Variants in UNC13D observed in about 807,000 individuals in gnomAD.
UNC13D encodes the protein unc-13 homolog D.
In UNC13D, 115 loss-of-function variants were observed where a neutral mutation model predicts 151.7. That is an observed-to-expected ratio of 0.76 (90% CI 0.65 to 0.88). The LOEUF (loss-of-function observed/expected upper bound fraction) is 0.88. Among genes scored for constraint, UNC13D ranks in the 40% least tolerant of loss-of-function variants. The pLI is 0.00. For missense variants in UNC13D, 1,369 were observed against 1,438.7 expected (o/e 0.95, Z 0.78); for synonymous variants, 588 against 612.2 (o/e 0.96, Z 0.58).
In UNC13D at chr17:75,840,138, GGGC is replaced by G. The variant is rs761969472; in HGVS notation, c.859-31_859-29del. The G allele has an allele frequency of 1.9e-5, 30 of 1,611,450 alleles. No individual in the cohort carries two copies. In the South Asian group the frequency reaches 3.3e-4, roughly 18 times the overall value. The stretch of plus-strand genomic sequence containing the variant: ...GCAATGAGGCCTCTGTGAGCAGACA[GGGC>G]CTCACACTGGGTGCAGCCAGCCCCG... On this transcript the variant is annotated intron_variant, in intron 10 of 31. Coordinates refer to ENST00000207549, the MANE Select transcript of UNC13D (RefSeq NM_199242.3). This position sits in a 1 kb window ranked among gnomAD's most constrained non-coding sequence, Gnocchi z 4.6.
At chr17:75,835,263 C>G (rs909910802) in intron 20 of UNC13D, 146 bp downstream of exon 20, 3 of 1,349,356 alleles carry the variant, frequency 2.2e-6, no homozygotes, top group Non-Finnish European at 3.0e-6. Flanking sequence ...CCAGAGGCAG[C>G]GTTTTGCACA....
chr17:75,827,906 T>C lies in UNC13D; in HGVS notation c.*59A>G, dbSNP rs1051480923. 1.9e-6 allele frequency: 3 copies of C among 1,581,402 alleles called. No individual in the cohort carries two copies. The highest frequency in any genetic ancestry group is 2.6e-6 in the Non-Finnish European group (3 of 1,168,042). The stretch of plus-strand genomic sequence containing the variant: ...GATGTGGCGGGGAAGCCCCAGACCC[T>C]ACAGGAAAGCCCTTGCAAGTCCCCA... On this transcript the variant is annotated 3_prime_UTR_variant, in exon 32 of 32. Coordinates refer to ENST00000207549, the MANE Select transcript of UNC13D (RefSeq NM_199242.3).
chr17:75,828,039 C>T lies in UNC13D; in HGVS notation c.3199G>A (p.Ala1067Thr). ...LLEGRKGDRE[A>T]QVFVRLRRHR... ...CGCCGCAGCCTCACAAAGACCTGGGCTTCTCGGTCACCCTTCCGGCCCTCC... is the reference window on the plus strand; with the variant it reads ...CGCCGCAGCCTCACAAAGACCTGGGTTTCTCGGTCACCCTTCCGGCCCTCC... Residue 1067 changes from alanine to threonine, a missense_variant, in exon 32 of 32, where the codon GCC (alanine) becomes ACC (threonine). Physicochemically the swap from Ala to Thr is moderately conservative, Grantham distance 58. Transcript: ENST00000207549. The T allele has an allele frequency of 6.3e-7, 1 of 1,583,358 alleles. No homozygotes were observed. Among genetic ancestry groups the T allele is most frequent in the Non-Finnish European group, 8.6e-7 (1 of 1,165,422 alleles).
Position 75,840,379 on chromosome 17 carries a change from G to C in UNC13D, c.754-50C>G. ...GTGAGCGTCAGAACCTCATAGAGTC[G>C]GGGCAGCGGAGGCGACAGGAGGTGG... On this transcript the variant is annotated intron_variant, in intron 9 of 31. Coordinates refer to ENST00000207549, the MANE Select transcript of UNC13D (RefSeq NM_199242.3). The surrounding 1 kb of genome is among the most constrained non-coding windows in gnomAD (Gnocchi z 4.6). 2 of 1,608,308 alleles carry C rather than the reference G, an allele frequency of 1.2e-6. No individual in the cohort carries two copies. Among genetic ancestry groups the C allele is most frequent in the Non-Finnish European group, 1.7e-6 (2 of 1,176,374 alleles).
chr17:75,830,595 TGCA>T lies in UNC13D; in HGVS notation c.2689_2691del (p.Cys897del). On this transcript the variant is annotated inframe_deletion, in exon 28 of 32. Transcript: ENST00000207549. ...GGCCTCACCTGCTGCTGGATTCGGC[TGCA>T]GAAGTACTTCCGGATGAGTTCCCGG... is the stretch of plus-strand genomic sequence containing the variant. 6.4e-7 allele frequency: 1 copy of T among 1,560,890 alleles called. No individual in the cohort carries two copies. Among genetic ancestry groups the T allele is most frequent in the Non-Finnish European group, 8.7e-7 (1 of 1,152,590 alleles).
intron 12 of UNC13D, among the ~76,000 whole-genome samples, chr17:75,837,557 C>T (rs538068424): frequency 2.7e-5 from 4 of 150,928 alleles, no homozygotes; most frequent in South Asian, 2.1e-4. Flanking sequence ...AGTTTGAGAC[C>T]AGCCTGGCCA....
chr17:75,841,804 A>G (rs2064951581), intron 6 of UNC13D, among the ~76,000 whole-genome samples: 1 of 143,530 alleles, frequency 7.0e-6, no homozygotes, highest in South Asian at 2.2e-4. Flanking sequence ...GCTGGAGTGC[A>G]GTGGTGCTAT....
Position 75,827,978 on chromosome 17 carries a change from C to A in UNC13D, c.3260G>T (p.Arg1087Leu). Residue 1087 changes from arginine (R) to leucine (L), a missense_variant, in exon 32 of 32, where the codon CGG becomes CTG. Physicochemically the swap from Arg to Leu is moderately radical, Grantham distance 102 (BLOSUM62 -2). Coordinates refer to ENST00000207549, the MANE Select transcript of UNC13D (RefSeq NM_199242.3). ...AAACCTCTACGGCTACGGTGCCGGC[C>A]GCAAGGCATGCTGGGAGGCCTGCTT... ...RAKQASQHAL[R>L]PAP is the part of the protein sequence containing the mutation. 1 of 1,606,026 alleles carries A rather than the reference C, an allele frequency of 6.2e-7. No homozygotes were observed. The highest frequency in any genetic ancestry group is 8.5e-7 in the Non-Finnish European group (1 of 1,177,484).
At chr17:75,843,945 G>A in intron 1 of UNC13D, 2 of 1,391,476 alleles carry the variant, frequency 1.4e-6, no homozygotes, top group Admixed American at 3.0e-5. Context: ...CGGCTCTTCT[G>A]AAGCTGGAGG....
At position 75,833,029 on chromosome 17, in the gene UNC13D, A is replaced by G. The variant is rs372220517; in HGVS notation, c.2384T>C (p.Met795Thr). 94 of 1,605,788 alleles carry G rather than the reference A, an allele frequency of 5.9e-5. No individual in the cohort carries two copies. The highest frequency in any genetic ancestry group is 7.3e-5 in the Non-Finnish European group (86 of 1,176,962). Reference sequence around the variant, plus strand: ...GCAAAGCTCCACCTCCAGGAACTTCATCAGGGGCAGAATGGCCTGGGGAGG... The same window carrying G: ...GCAAAGCTCCACCTCCAGGAACTTCGTCAGGGGCAGAATGGCCTGGGGAGG... Reference protein sequence around the residue: ...VLPEDAILPLMKFLEVELCYM... With the variant: ...VLPEDAILPLTKFLEVELCYM... Residue 795 changes from methionine (M) to threonine (T), a missense_variant, in exon 25 of 32, where the codon ATG (methionine) becomes ACG (threonine). Met to Thr is a moderately conservative substitution (Grantham distance 81). Transcript: ENST00000207549. This position sits in a 1 kb window ranked among gnomAD's most constrained non-coding sequence, Gnocchi z 4.0.
chr17:75,834,111 T>C lies in UNC13D; in HGVS notation c.2331A>G (p.Lys777=), dbSNP rs1200766691. 1 of 1,613,606 alleles carries C rather than the reference T, an allele frequency of 6.2e-7. No individual in the cohort carries two copies. The highest frequency in any genetic ancestry group is 8.5e-7 in the Non-Finnish European group (1 of 1,180,002). Residue 777 remains lysine, a synonymous_variant, in exon 24 of 32, where the codon AAA becomes AAG. Transcript: ENST00000207549. ...LEVGIAKHIQ[K]LVGVRESVLP... The stretch of plus-strand genomic sequence containing the variant: ...GGACAGACTCCCTGACGCCCACCAG[T>C]TTCTGGATGTGCTTGGCGATGCCCA...
Position 75,827,471 on chromosome 17 carries a change from T to C in UNC13D, c.*494A>G. The C allele has an allele frequency of 6.8e-7, 1 of 1,472,180 alleles. No individual in the cohort carries two copies. Among genetic ancestry groups the C allele is most frequent in the Non-Finnish European group, 9.0e-7 (1 of 1,113,084 alleles). 91.2% of individuals were successfully genotyped at this position (1,472,180 alleles called of 1,614,324 possible). The stretch of plus-strand genomic sequence containing the variant: ...CTGGGGAGAGGACCCAGGCCCCCTC[T>C]AGTAATGGCCACCACCCTCCCCCCA... On this transcript the variant is annotated 3_prime_UTR_variant, in exon 32 of 32. Coordinates refer to ENST00000207549, the MANE Select transcript of UNC13D (RefSeq NM_199242.3).
In UNC13D at chr17:75,829,001, G is replaced by T. The variant is rs758204874; in HGVS notation, c.2955-18C>A. 1.9e-6 allele frequency: 3 copies of T among 1,598,736 alleles called. No individual in the cohort carries two copies. The Admixed American group carries it at 5.0e-5, about 27-fold the overall frequency. On this transcript the variant is annotated intron_variant, in intron 30 of 31. Transcript: ENST00000207549. Reference sequence around the variant, plus strand: ...GCACCAGGCTGCGGGGAGAGTCAGGGCTCTGCTGCCAGCCCCAGCACAGCC... The same window carrying T: ...GCACCAGGCTGCGGGGAGAGTCAGGTCTCTGCTGCCAGCCCCAGCACAGCC...
At chr17:75,839,045 A>G (rs937953552) in intron 12 of UNC13D, among the ~76,000 whole-genome samples, 2 of 151,794 alleles carry the variant, frequency 1.3e-5, no homozygotes, top group Non-Finnish European at 2.9e-5. Context: ...GCCTGCAGTG[A>G]GCCAAGATCG....
chr17:75,835,428 C>T lies in UNC13D; in HGVS notation c.1829G>A (p.Arg610His), dbSNP rs749184121. ...TYNEALARVQ[R>H]AVQMDELVPL... ...CCCCACCTCATCCATCTGCACAGCG[C>T]GCTGCACCCGCGCCAGGGCCTCGTT... is the stretch of plus-strand genomic sequence containing the variant. The change falls in exon 20 of 32, where the codon CGC becomes CAC. Residue 610 changes from arginine to histidine, a missense_variant. Physicochemically the swap from Arg to His is conservative, Grantham distance 29. Around this residue, in one of 3 missense-constraint regions of UNC13D, gnomAD observed 807 missense variants for 795.5 expected, o/e 1.01. Transcript: ENST00000207549. 3.0e-5 allele frequency: 49 copies of T among 1,612,524 alleles called. No individual in the cohort carries two copies. In the Middle Eastern group the frequency reaches 2.9e-3, roughly 94 times the overall value.
rs887112715 is a variant in UNC13D, at chr17:75,840,925, T to A, written c.614+32A>T. Reference sequence around the variant, plus strand: ...CTCTCTCACCCCAGATCCCTTCCCTTCCCATCCCTAGGGGCAGGCCAGGTC... The same window carrying A: ...CTCTCTCACCCCAGATCCCTTCCCTACCCATCCCTAGGGGCAGGCCAGGTC... On this transcript the variant is annotated intron_variant, in intron 7 of 31. Coordinates refer to ENST00000207549, the MANE Select transcript of UNC13D (RefSeq NM_199242.3). The surrounding 1 kb of genome is among the most constrained non-coding windows in gnomAD (Gnocchi z 4.6). The A allele has an allele frequency of 7.4e-6, 12 of 1,613,972 alleles. No individual in the cohort carries two copies. The highest frequency in any genetic ancestry group is 1.0e-5 in the Non-Finnish European group (12 of 1,179,988).
At chr17:75,828,234 G>A (rs1422354911) in intron 31 of UNC13D, 148 bp from the exon 32 acceptor site, 6 of 1,264,256 alleles carry the variant, frequency 4.7e-6, no homozygotes, top group Non-Finnish European at 6.5e-6. Flanking sequence ...CGCCAGCCCA[G>A]CCCAGGAGGT....
intron 6 of UNC13D, 151 bp downstream of exon 6, chr17:75,842,282 C>G (rs562137865): frequency 7.5e-6 from 8 of 1,059,966 alleles, no homozygotes; most frequent in South Asian, 1.7e-5. Flanking sequence ...GTCCACCTAA[C>G]GTGCCTGGAG....
In UNC13D at chr17:75,835,859, C is replaced by T. The variant is rs770731229; in HGVS notation, c.1592G>A (p.Trp531Ter). Residue 531 changes from tryptophan (W) to a stop codon, truncating the protein, a stop_gained, in exon 18 of 32, where the codon TGG (tryptophan) becomes TAG (stop). Transcript: ENST00000207549. LOFTEE classifies it high-confidence loss of function. ...LFSMAFRELQ[W>*]LVAKRVQDHT... The stretch of plus-strand genomic sequence containing the variant: ...AGAGACGGGGGAGGGACTCACCAGC[C>T]ACTGCAGCTCCCGGAAAGCCATGGA... 1.2e-6 allele frequency: 2 copies of T among 1,614,178 alleles called. No homozygotes were observed.
Sources: gnomAD v4.1 joint callset for allele counts (sites outside exome capture counted in the v4.1 genomes callset) on GRCh38, gnomAD v4.1.1 for gene constraint, gnomAD v4.1.1 regional missense constraint, Gnocchi (gnomAD v3.1) non-coding constraint, MANE v1.5 for transcripts, NCBI Gene and HGNC (gene_info 2026-07-23, HGNC 2026-07-21) for gene names.